MTUS1: variants seen among roughly 807,000 people sequenced by gnomAD.
MTUS1 encodes the protein microtubule-associated tumor suppressor 1.
In MTUS1, 109 loss-of-function variants were observed where a neutral mutation model predicts 120.8. The observed-to-expected ratio is 0.90, with a 90% CI of 0.77 to 1.06. The LOEUF is 1.06. MTUS1 is among the 50% of genes least tolerant of loss of function. The pLI, the probability that MTUS1 is intolerant of heterozygous loss-of-function variation, is 0.00. For synonymous variants in MTUS1, 737 were observed against 550.5 expected (o/e 1.34, Z -4.74); for missense variants, 2,210 against 1,486.3 (o/e 1.49, Z -8.01).
At chr8:17,767,413 G>A (rs2049607916) in intron 1 of MTUS1, among the ~76,000 whole-genome samples, 1 of 151,728 alleles carries the variant, frequency 6.6e-6, no homozygotes, top group African/African-American at 2.4e-5. Context: ...GGAGGTAAAA[G>A]GGGCTGGGTA....
At chr8:17,686,680 T>C (rs13269578) in intron 6 of MTUS1, among the ~76,000 whole-genome samples, 17,591 of 152,270 alleles carry the variant, frequency 0.12, 1,341 homozygotes, top group Non-Finnish European at 0.17. Context: ...ATTTACAAAA[T>C]CTGAGAGGTG....
chr8:17,672,269 C>T (rs143822546), intron 8 of MTUS1, among the ~76,000 whole-genome samples: 1 of 152,348 alleles, frequency 6.6e-6, no homozygotes, highest in East Asian at 1.9e-4. Flanking sequence ...TATTTAATAG[C>T]AGTTAACACT....
At chr8:17,758,712 A>C (rs2048812595) in intron 1 of MTUS1, among the ~76,000 whole-genome samples, 1 of 152,210 alleles carries the variant, frequency 6.6e-6, no homozygotes, top group Non-Finnish European at 1.5e-5. Context: ...ATATATGCAA[A>C]GTGCACTGCA....
intron 3 of MTUS1, among the ~76,000 whole-genome samples, chr8:17,734,545 C>T (rs1172467693): frequency 2.0e-5 from 3 of 152,146 alleles, no homozygotes; most frequent in African/African-American, 2.4e-5. Flanking sequence ...GTACCTGCCT[C>T]TGCAAGTATG....
At chr8:17,706,274 T>C (rs1039542420) in intron 6 of MTUS1, 2 of 152,164 alleles carry the variant, frequency 1.3e-5, no homozygotes, top group Non-Finnish European at 2.9e-5. Flanking sequence ...CTGGGAATTA[T>C]TTCCCCAATA....
intron 3 of MTUS1, among the ~76,000 whole-genome samples, chr8:17,725,512 A>G (rs903258942): frequency 3.3e-5 from 5 of 152,138 alleles, no homozygotes; most frequent in African/African-American, 1.2e-4. Context: ...CAGGCACATC[A>G]TTTCTTTTCA....
At chr8:17,742,454 A>C (rs894331245) in intron 3 of MTUS1, among the ~76,000 whole-genome samples, 3 of 151,728 alleles carry the variant, frequency 2.0e-5, no homozygotes, top group African/African-American at 7.3e-5. Flanking sequence ...TTGACTCCCC[A>C]GGTGTGGCAA....
intron 8 of MTUS1, among the ~76,000 whole-genome samples, chr8:17,662,110 C>T (rs1195228439): frequency 6.6e-6 from 1 of 152,108 alleles, no homozygotes; most frequent in Non-Finnish European, 1.5e-5. Context: ...TTCCTGTGCA[C>T]TGACTACAGC....
intron 2 of MTUS1, among the ~76,000 whole-genome samples, chr8:17,750,762 T>A (rs1319421001): frequency 6.6e-6 from 1 of 152,244 alleles, no homozygotes; most frequent in East Asian, 1.9e-4. Flanking sequence ...GAGCAAGCAC[T>A]GAATAAATAT....
chr8:17,744,288 T>C (rs1296586850), intron 2 of MTUS1, among the ~76,000 whole-genome samples: 1 of 152,180 alleles, frequency 6.6e-6, no homozygotes, highest in Non-Finnish European at 1.5e-5. Context: ...AAATAGGTAA[T>C]ATTTGCCATC....
chr8:17,676,488 CGT>C (rs1381242361), intron 7 of MTUS1: 1 of 604,510 alleles, frequency 1.7e-6, no homozygotes, highest in African/African-American at 1.8e-5. Flanking sequence ...TGCAGGTTAC[CGT>C]GTGCCTCGGA....
intron 7 of MTUS1, among the ~76,000 whole-genome samples, chr8:17,682,010 TA>T (rs1814628607): frequency 6.6e-6 from 1 of 152,218 alleles, no homozygotes; most frequent in Non-Finnish European, 1.5e-5. Flanking sequence ...ATTGTACACT[TA>T]CCACACATCT....
intron 1 of MTUS1, among the ~76,000 whole-genome samples, chr8:17,796,643 T>C (rs910274317): frequency 1.3e-5 from 2 of 152,220 alleles, no homozygotes; most frequent in South Asian, 2.1e-4. Flanking sequence ...AAGTCTCTTT[T>C]ACCATTTCTA....
At position 17,646,102 on chromosome 8, in the gene MTUS1, G is replaced by A; in HGVS notation, c.3637C>T (p.Leu1213=). The change falls in exon 15 of 15, where the codon CTG becomes TTG. Residue 1213 remains leucine (L), a synonymous_variant. Coordinates refer to ENST00000693296, the MANE Select transcript of MTUS1 (RefSeq NM_001363059.2). The part of the protein sequence containing the change: ...STEQAVLQES[L]EKESKVNKRL... ...TTGTTGACTTTCGACTCCTTCTCCA[G>A]CGACTCTTGCAGAACAGCCTGCTCC... The A allele has an allele frequency of 3.7e-6, 6 of 1,613,000 alleles. No homozygotes were observed. The highest frequency in any genetic ancestry group is 5.1e-6 in the Non-Finnish European group (6 of 1,179,706).
At chr8:17,742,291 G>GTTT (rs1237059839) in intron 3 of MTUS1, among the ~76,000 whole-genome samples, 123 of 94,632 alleles carry the variant, frequency 1.3e-3, no homozygotes, top group Middle Eastern at 6.1e-3. Context: ...TGTTGTTGTT[G>GTTT]TTTTTTTTTT....
intron 6 of MTUS1, among the ~76,000 whole-genome samples, chr8:17,694,976 T>C (rs1001694678): frequency 6.6e-6 from 1 of 152,086 alleles, no homozygotes; most frequent in African/African-American, 2.4e-5. Context: ...ACCAGCAGAA[T>C]CAAGGCTACA....
Position 17,724,241 on chromosome 8 carries a change from G to A in MTUS1, c.2288-408C>T, listed in dbSNP as rs998529124. ...AAAAAATAATCCATTAGGACAATAG[G>A]CTATCATATAAGAAATAAATAAGAA... On this transcript the variant is annotated intron_variant, in intron 3 of 14. Transcript: ENST00000693296. 5 of 344,778 alleles carry A rather than the reference G, an allele frequency of 1.5e-5. No individual in the cohort carries two copies. The Admixed American group carries it at 2.2e-4, about 15-fold the overall frequency. 21.4% of individuals were successfully genotyped at this position (344,778 alleles called of 1,614,324 possible).
At chr8:17,714,074 G>C (rs576210601) in intron 5 of MTUS1, among the ~76,000 whole-genome samples, 2 of 152,128 alleles carry the variant, frequency 1.3e-5, no homozygotes, top group Non-Finnish European at 2.9e-5. Context: ...CATTATTGCT[G>C]TGTGGATCAT....
At chr8:17,650,385 G>A (rs1406399224) in intron 12 of MTUS1, among the ~76,000 whole-genome samples, 7 of 152,136 alleles carry the variant, frequency 4.6e-5, no homozygotes, top group African/African-American at 1.4e-4. Flanking sequence ...CGGCTCTCTG[G>A]AAAACAACAG....
Sources: gnomAD v4.1 joint callset for allele counts (sites outside exome capture counted in the v4.1 genomes callset) on GRCh38, gnomAD v4.1.1 for gene constraint, MANE v1.5 for transcripts, NCBI Gene and HGNC (gene_info 2026-07-23, HGNC 2026-07-21) for gene names.